The following TMEM51 variants were observed in gnomAD, a reference collection of about 807,000 sequenced individuals.
The protein encoded by TMEM51 is chromosome 1 open reading frame 72.
In TMEM51, 8 loss-of-function variants were observed where a neutral mutation model predicts 13.6. That is an observed-to-expected ratio of 0.59 (90% CI 0.35 to 1.07). The LOEUF (loss-of-function observed/expected upper bound fraction) is 1.07, where lower values mean the gene tolerates loss of function less well. TMEM51 is among the 50% of genes least tolerant of loss of function. The pLI is 0.02. For synonymous variants in TMEM51, 147 were observed against 144.4 expected, an observed-to-expected ratio of 1.02 and a Z score of -0.13; for missense variants, 279 against 330.7, an observed-to-expected ratio of 0.84 and a Z score of 1.21.
intron 1 of TMEM51, among the ~76,000 whole-genome samples, chr1:15,196,986 A>G (rs1644063224): frequency 1.3e-5 from 2 of 152,196 alleles, no homozygotes; most frequent in South Asian, 4.1e-4. Context: ...CTTCAGACAC[A>G]GCGGGATCCA....
At chr1:15,178,736 C>G (rs1338881775) in intron 1 of TMEM51, among the ~76,000 whole-genome samples, 1 of 152,210 alleles carries the variant, frequency 6.6e-6, no homozygotes, top group Non-Finnish European at 1.5e-5. Context: ...GGATTTTTAT[C>G]TCCACTGACT....
At position 15,168,833 on chromosome 1, in the gene TMEM51, G is replaced by A. The variant is rs957155127; in HGVS notation, c.-267+14879G>A. The A allele has an allele frequency of 6.1e-5, 76 of 1,247,252 alleles. No individual in the cohort carries two copies. In the African/African-American group the frequency reaches 6.8e-4, roughly 11 times the overall value. 77.3% of individuals were successfully genotyped at this position (1,247,252 alleles called of 1,614,324 possible). On this transcript the variant is annotated intron_variant, in intron 1 of 3. Transcript: ENST00000376008. ...ATTCCTGGGAGTCAGAGCCATATCC[G>A]GCTCATGATAAAAGTTACAGATATT... is the stretch of plus-strand genomic sequence containing the variant.
intron 1 of TMEM51, among the ~76,000 whole-genome samples, chr1:15,178,812 A>G (rs1643526486): frequency 6.6e-6 from 1 of 151,982 alleles, no homozygotes; most frequent in South Asian, 2.1e-4. Context: ...CTTAGCGGAG[A>G]GTTTAGGGGA....
chr1:15,191,490 C>T (rs1378147892), intron 1 of TMEM51, among the ~76,000 whole-genome samples: 1 of 152,182 alleles, frequency 6.6e-6, no homozygotes, highest in Non-Finnish European at 1.5e-5. Flanking sequence ...AGTCACTGGT[C>T]CAAGTCGCCT....
intron 1 of TMEM51, among the ~76,000 whole-genome samples, chr1:15,205,730 C>G (rs1164953773): frequency 6.6e-6 from 1 of 152,182 alleles, no homozygotes; most frequent in East Asian, 1.9e-4. Context: ...TGATGATGCA[C>G]ATAAAGAGCT....
intron 1 of TMEM51, among the ~76,000 whole-genome samples, chr1:15,194,691 G>A (rs757403464): frequency 6.6e-6 from 1 of 151,952 alleles, no homozygotes; most frequent in Non-Finnish European, 1.5e-5. Context: ...TTCCATCCAG[G>A]GCACCCATCC....
chr1:15,173,688 A>C (rs374611823), intron 1 of TMEM51, among the ~76,000 whole-genome samples: 5 of 150,712 alleles, frequency 3.3e-5, no homozygotes, highest in African/African-American at 7.3e-5. Flanking sequence ...AAAAAAAAAA[A>C]ACACAAACAA....
At chr1:15,165,204 G>A (rs1045204885) in intron 1 of TMEM51, among the ~76,000 whole-genome samples, 3 of 152,058 alleles carry the variant, frequency 2.0e-5, no homozygotes, top group Non-Finnish European at 2.9e-5. Flanking sequence ...CAATCCCAAC[G>A]TTTTGGGAGG....
chr1:15,211,443 AT>A, intron 2 of TMEM51, among the ~76,000 whole-genome samples: 1 of 151,916 alleles, frequency 6.6e-6, no homozygotes, highest in Middle Eastern at 3.4e-3. Context: ...TTAAATAACA[AT>A]TTTTTTTGTC....
At chr1:15,186,846 C>T (rs989669525) in intron 1 of TMEM51, among the ~76,000 whole-genome samples, 2 of 152,070 alleles carry the variant, frequency 1.3e-5, no homozygotes, top group East Asian at 3.9e-4. Context: ...GAGGCCTTTG[C>T]AGTCTGTATC....
chr1:15,190,653 T>C (rs971813028), intron 1 of TMEM51, among the ~76,000 whole-genome samples: 1 of 152,144 alleles, frequency 6.6e-6, no homozygotes, highest in African/African-American at 2.4e-5. Context: ...TTACGTTACA[T>C]GGTAAAAGGG....
intron 2 of TMEM51, among the ~76,000 whole-genome samples, chr1:15,211,616 A>G (rs1043991999): frequency 6.6e-6 from 1 of 152,252 alleles, no homozygotes; most frequent in African/African-American, 2.4e-5. Flanking sequence ...AACTTGCCCG[A>G]GGTCACACAG....
At chr1:15,216,226 A>T (rs760817016) in intron 3 of TMEM51, among the ~76,000 whole-genome samples, 7 of 152,152 alleles carry the variant, frequency 4.6e-5, no homozygotes, top group Non-Finnish European at 8.8e-5. Context: ...GCTGGGAAGC[A>T]ATTTTCCATT....
At chr1:15,162,799 G>A (rs1275828349) in intron 1 of TMEM51, among the ~76,000 whole-genome samples, 1 of 152,068 alleles carries the variant, frequency 6.6e-6, no homozygotes, top group East Asian at 1.9e-4. Flanking sequence ...CTACTTGTAT[G>A]AGGAATCTAG....
At chr1:15,191,839 A>C (rs751300375) in intron 1 of TMEM51, 11 of 488,732 alleles carry the variant, frequency 2.3e-5, no homozygotes, top group African/African-American at 4.0e-5. Context: ...AACCAGTGCC[A>C]GCTATTAAAC....
At chr1:15,206,534 T>A (rs1453399206) in intron 1 of TMEM51, among the ~76,000 whole-genome samples, 1 of 151,974 alleles carries the variant, frequency 6.6e-6, no homozygotes, top group Non-Finnish European at 1.5e-5. Flanking sequence ...TGATTATGAG[T>A]CGACTGTGCC....
intron 1 of TMEM51, among the ~76,000 whole-genome samples, chr1:15,172,929 A>G (rs1344006338): frequency 6.6e-6 from 1 of 152,096 alleles, no homozygotes; most frequent in East Asian, 1.9e-4. Flanking sequence ...CGTCGTCGTT[A>G]TGTGTAAGGT....
intron 1 of TMEM51, among the ~76,000 whole-genome samples, chr1:15,201,951 G>A (rs1003101487): frequency 2.0e-5 from 3 of 152,154 alleles, no homozygotes; most frequent in African/African-American, 4.8e-5. Context: ...CACGTACCTC[G>A]ACTTTTGGCT....
At chr1:15,216,774 G>A (rs988462071) in intron 3 of TMEM51, among the ~76,000 whole-genome samples, 2 of 152,196 alleles carry the variant, frequency 1.3e-5, no homozygotes, top group Non-Finnish European at 2.9e-5. Flanking sequence ...TGCAGCAACT[G>A]TTGATCTATA....
Sources: gnomAD v4.1 joint callset for allele counts (sites outside exome capture counted in the v4.1 genomes callset) on GRCh38, gnomAD v4.1.1 for gene constraint, MANE v1.5 for transcripts, NCBI Gene and HGNC (gene_info 2026-07-23, HGNC 2026-07-21) for gene names.